The following ST18 variants were observed in gnomAD, a reference collection of about 807,000 sequenced individuals.
The protein encoded by ST18 is ST18 C2H2C-type zinc finger transcription factor, also known as suppression of tumorigenicity 18 protein.
A neutral mutation model predicts 110.0 loss-of-function variants in ST18; 50 were observed. The observed-to-expected ratio is 0.45, with a 90% CI of 0.36 to 0.58. The LOEUF (loss-of-function observed/expected upper bound fraction) is 0.58, where lower values mean the gene tolerates loss of function less well. ST18 is among the 20% of genes least tolerant of loss of function. The probability of loss-of-function intolerance (pLI) is 0.00; values close to 1 mark genes in which losing one functional copy is unlikely to be tolerated. For synonymous variants in ST18, 461 were observed against 452.4 expected (o/e 1.02, Z -0.24); for missense variants, 1,306 against 1,280.1 (o/e 1.02, Z -0.31).
At chr8:52,141,854 CG>C (rs1032927711) in intron 17 of ST18, among the ~76,000 whole-genome samples, 1 of 152,112 alleles carries the variant, frequency 6.6e-6, no homozygotes, top group Non-Finnish European at 1.5e-5. Context: ...GAGGTCACAG[CG>C]GGGTGGCAGC....
chr8:52,122,757 G>A (rs1186774047), intron 23 of ST18, among the ~76,000 whole-genome samples: 1 of 152,094 alleles, frequency 6.6e-6, no homozygotes, highest in Non-Finnish European at 1.5e-5. Flanking sequence ...AAAGTTCTGG[G>A]ATTAAGGCAT....
chr8:52,227,742 A>C (rs1039431492), intron 3 of ST18, among the ~76,000 whole-genome samples: 1 of 152,166 alleles, frequency 6.6e-6, no homozygotes, highest in African/African-American at 2.4e-5. Flanking sequence ...TTTGTCATTC[A>C]TATTGTGGTT....
chr8:52,368,450 A>G (rs921920003), intron 2 of ST18, among the ~76,000 whole-genome samples: 7 of 152,246 alleles, frequency 4.6e-5, no homozygotes, highest in African/African-American at 1.7e-4. Flanking sequence ...CCACAACACA[A>G]TGATTAAAAG....
At chr8:52,200,748 C>A (rs2077691001) in intron 8 of ST18, among the ~76,000 whole-genome samples, 1 of 152,102 alleles carries the variant, frequency 6.6e-6, no homozygotes, top group Non-Finnish European at 1.5e-5. Flanking sequence ...AAGTTAGAGC[C>A]ATCAGGATAT....
rs112274746 is a variant in ST18, at chr8:52,375,822, G to C, written c.-465+33506C>G. ...TCAACACACCCGGACTGAGCCGCAG[G>C]TCTTCACCAGCTCCCCCGCAGCTCT... On this transcript the variant is annotated intron_variant, in intron 2 of 25. Coordinates refer to ENST00000689386, the MANE Select transcript of ST18 (RefSeq NM_001352837.2). Among the ~76,000 whole-genome samples, 134 of 147,020 alleles carry C rather than the reference G, an allele frequency of 9.1e-4. 3 individuals are homozygous for C. The highest frequency in any genetic ancestry group is 3.4e-3 in the Middle Eastern group (1 of 294).
chr8:52,165,277 G>A (rs2062594384), intron 11 of ST18, 52 bp from the exon 12 acceptor site: 1 of 1,561,234 alleles, frequency 6.4e-7, no homozygotes, highest in Non-Finnish European at 8.8e-7. Flanking sequence ...TAAATACAAA[G>A]CACACTAACA....
At chr8:52,193,187 T>C (rs2075139767) in intron 8 of ST18, among the ~76,000 whole-genome samples, 1 of 152,088 alleles carries the variant, frequency 6.6e-6, no homozygotes, top group South Asian at 2.1e-4. Flanking sequence ...TGGGTAGAAG[T>C]ATAGGTAGAT....
At chr8:52,366,644 T>A (rs545620654) in intron 2 of ST18, among the ~76,000 whole-genome samples, 14 of 152,326 alleles carry the variant, frequency 9.2e-5, no homozygotes, top group Admixed American at 7.8e-4. Context: ...TCCTCAAAGA[T>A]GCCCCTGCCT....
intron 2 of ST18, among the ~76,000 whole-genome samples, chr8:52,356,797 A>G (rs1202209669): frequency 6.6e-6 from 1 of 152,208 alleles, no homozygotes; most frequent in African/African-American, 2.4e-5. Flanking sequence ...AATTTTCAAA[A>G]TAAAGGAAAC....
In ST18 at chr8:52,172,442, A is replaced by G. The variant is rs150133719; in HGVS notation, c.419T>C (p.Val140Ala). The G allele has an allele frequency of 2.7e-4, 432 of 1,613,758 alleles. No individual in the cohort carries two copies. The highest frequency in any genetic ancestry group is 3.4e-4 in the Non-Finnish European group (405 of 1,180,034). The change falls in exon 10 of 26, where the codon GTA becomes GCA. Residue 140 changes from valine (V) to alanine (A), a missense_variant. Val to Ala is a moderately conservative substitution (Grantham distance 64, BLOSUM62 0). Transcript: ENST00000689386. Reference protein sequence around the residue: ...LMHLGKFEKNVSVQTVSENLN... With the variant: ...LMHLGKFEKNASVQTVSENLN... ...ATTTTCACTTACAGTCTGAACAGATACATTTTTTTCAAATTTCCCCAAGTG... is the reference window on the plus strand; with the variant it reads ...ATTTTCACTTACAGTCTGAACAGATGCATTTTTTTCAAATTTCCCCAAGTG...
intron 8 of ST18, among the ~76,000 whole-genome samples, chr8:52,208,765 C>G (rs1293499534): frequency 6.6e-6 from 1 of 152,218 alleles, no homozygotes; most frequent in Non-Finnish European, 1.5e-5. Context: ...TTGCAGTGAG[C>G]CCAGATCGCG....
chr8:52,295,076 A>T (rs2095611398), intron 2 of ST18, among the ~76,000 whole-genome samples: 1 of 152,254 alleles, frequency 6.6e-6, no homozygotes, highest in Non-Finnish European at 1.5e-5. Flanking sequence ...CCAGGCAGCA[A>T]TTCATTTCAT....
In ST18 at chr8:52,238,860, G is replaced by C. The variant is rs539016340; in HGVS notation, c.-464-8783C>G. Among the ~76,000 whole-genome samples, 81 of 116,528 alleles carry C rather than the reference G, an allele frequency of 7.0e-4. 1 individual carries two copies. The South Asian group carries it at 0.027, about 39-fold the overall frequency. 76.4% of individuals were successfully genotyped at this position (116,528 alleles called of 152,430 possible). A position where few individuals can be genotyped will look rare whatever the true frequency, so the allele number is the denominator to read the frequency against. On this transcript the variant is annotated intron_variant, in intron 2 of 25. Coordinates refer to ENST00000689386, the MANE Select transcript of ST18 (RefSeq NM_001352837.2). ...ATAGACATGGGAGACTCGGAAGGGTGGGGGGTGGGAGGAGGGTGAGGGATG... is the reference window on the plus strand; with the variant it reads ...ATAGACATGGGAGACTCGGAAGGGTCGGGGGTGGGAGGAGGGTGAGGGATG...
intron 2 of ST18, among the ~76,000 whole-genome samples, chr8:52,302,534 G>T (rs568649396): frequency 8.5e-5 from 13 of 152,302 alleles, no homozygotes; most frequent in Non-Finnish European, 1.2e-4. Flanking sequence ...CCAGGTCTTG[G>T]TTGCTAAGTA....
chr8:52,246,931 G>A (rs1400244328), intron 2 of ST18, among the ~76,000 whole-genome samples: 1 of 152,054 alleles, frequency 6.6e-6, no homozygotes, highest in Non-Finnish European at 1.5e-5. Context: ...ACTTATCCAG[G>A]GCACAGACTG....
chr8:52,113,333 A>G lies in ST18; in HGVS notation c.3009T>C (p.Pro1003=). Residue 1003 remains proline (P), a synonymous_variant, in exon 26 of 26, where the codon CCT becomes CCC. Transcript: ENST00000689386. Reference sequence around the variant, plus strand: ...ATGCTTCAAAATTCTGCTCACTGATAGGTCCCTAAATGGAGACAAAACACA... The same window carrying G: ...ATGCTTCAAAATTCTGCTCACTGATGGGTCCCTAAATGGAGACAAAACACA... ...LADIQLPQMG[P]ISEQNFEAYV... is the part of the protein sequence containing the mutation. 1.2e-6 allele frequency: 2 copies of G among 1,613,818 alleles called. No individual in the cohort carries two copies. The highest frequency in any genetic ancestry group is 1.7e-4 in the Middle Eastern group (1 of 6,060).
intron 2 of ST18, among the ~76,000 whole-genome samples, chr8:52,381,088 C>T (rs1212571495): frequency 1.3e-5 from 2 of 152,176 alleles, no homozygotes; most frequent in Non-Finnish European, 2.9e-5. Flanking sequence ...GAACTCACTG[C>T]TACCTAACTT....
chr8:52,357,204 C>A (rs1018415419), intron 2 of ST18, among the ~76,000 whole-genome samples: 2 of 152,008 alleles, frequency 1.3e-5, no homozygotes, highest in Non-Finnish European at 1.5e-5. Flanking sequence ...AAGCATTTAT[C>A]CTTTGTGTTA....
At chr8:52,328,916 C>A (rs1180557941) in intron 2 of ST18, among the ~76,000 whole-genome samples, 1 of 152,092 alleles carries the variant, frequency 6.6e-6, no homozygotes, top group Non-Finnish European at 1.5e-5. Context: ...TCTCCCCCAG[C>A]CCTCAAATAA....
Sources: gnomAD v4.1 joint callset for allele counts (sites outside exome capture counted in the v4.1 genomes callset) on GRCh38, gnomAD v4.1.1 for gene constraint, MANE v1.5 for transcripts, NCBI Gene and HGNC (gene_info 2026-07-23, HGNC 2026-07-21) for gene names.